The following MAP2 variants were observed in gnomAD, a reference collection of about 807,000 sequenced individuals.
MAP2 encodes microtubule-associated protein 2.
MAP2 carries 14 observed loss-of-function variants against 137.6 expected under a neutral mutation model. The ratio of observed to expected loss-of-function variants is 0.10; its 90% CI spans 0.07 to 0.16. The LOEUF (loss-of-function observed/expected upper bound fraction) is 0.16, where lower values mean the gene tolerates loss of function less well. Ranked by LOEUF, MAP2 falls within the 10% of genes least tolerant of loss-of-function variation. The pLI is 1.00. For missense variants in MAP2, 2,088 were observed against 2,191.5 expected (o/e 0.95, Z 0.94); for synonymous variants, 786 against 782.3 (o/e 1.00, Z -0.08).
chr2:209,450,914 G>A (rs1285628629), intron 1 of MAP2, among the ~76,000 whole-genome samples: 2 of 152,034 alleles, frequency 1.3e-5, no homozygotes, highest in African/African-American at 2.4e-5. Flanking sequence ...GTAATTATTA[G>A]AATTATATAA....
At chr2:209,505,518 T>C (rs989832590) in intron 1 of MAP2, among the ~76,000 whole-genome samples, 2 of 152,188 alleles carry the variant, frequency 1.3e-5, no homozygotes, top group Non-Finnish European at 1.5e-5. Flanking sequence ...TTTGCTTTTA[T>C]ATCACAAACA....
At chr2:209,476,210 G>T (rs1031316590) in intron 1 of MAP2, among the ~76,000 whole-genome samples, 4 of 152,078 alleles carry the variant, frequency 2.6e-5, no homozygotes, top group Non-Finnish European at 1.5e-5. Context: ...GGAAATGAGA[G>T]TTCTGTCCAT....
chr2:209,703,485 T>C (rs985930600), intron 11 of MAP2, among the ~76,000 whole-genome samples: 5 of 152,076 alleles, frequency 3.3e-5, no homozygotes, highest in Non-Finnish European at 7.4e-5. Context: ...ATAAAACTTA[T>C]GAATTAATTA....
At chr2:209,597,619 C>T (rs958415199) in intron 3 of MAP2, among the ~76,000 whole-genome samples, 5 of 152,220 alleles carry the variant, frequency 3.3e-5, no homozygotes, top group African/African-American at 1.2e-4. Context: ...CAATGCTTCC[C>T]ATAGCATTCA....
intron 2 of MAP2, among the ~76,000 whole-genome samples, chr2:209,565,855 C>T (rs965447927): frequency 2.0e-5 from 3 of 152,262 alleles, no homozygotes; most frequent in East Asian, 3.9e-4. Context: ...TTGTTATTTG[C>T]TCATCGGGTC....
In MAP2 at chr2:209,659,196, G is replaced by A. The variant is rs78502138; in HGVS notation, c.262+5764G>A. Among the ~76,000 whole-genome samples, 3 of 152,084 alleles carry A rather than the reference G, an allele frequency of 2.0e-5. 1 individual carries two copies. The East Asian group carries it at 5.8e-4, about 29-fold the overall frequency. ...TTTTTCTATAGTTTATAATTTACTT[G>A]GCTTTATAAATATGCTACTCATTGT... On this transcript the variant is annotated intron_variant, in intron 5 of 15. Coordinates refer to ENST00000682079, the MANE Select transcript of MAP2 (RefSeq NM_001375505.1).
chr2:209,572,211 T>C (rs1015608383), intron 2 of MAP2, among the ~76,000 whole-genome samples: 9 of 152,208 alleles, frequency 5.9e-5, no homozygotes, highest in Middle Eastern at 3.4e-3. Context: ...CTAGTTATCT[T>C]GTCTTACTCT....
chr2:209,693,661 C>G lies in MAP2; in HGVS notation c.1491C>G (p.Asp497Glu). Reference protein sequence around the residue: ...QEPTTDMLKQDSFPVSLEQAV... With the variant: ...QEPTTDMLKQESFPVSLEQAV... The stretch of plus-strand genomic sequence containing the variant: ...CTACCACAGATATGTTGAAACAGGA[C>G]TCGTTCCCTGTAAGTTTGGAGCAAG... The change falls in exon 8 of 16, where the codon GAC (aspartate) becomes GAG (glutamate). Residue 497 changes from aspartate (D) to glutamate (E), a missense_variant. Around this residue, in one of 6 missense-constraint regions of MAP2, gnomAD observed 859 missense variants for 794.5 expected, o/e 1.08. Transcript: ENST00000682079. The G allele has an allele frequency of 1.9e-6, 3 of 1,613,858 alleles. No individual in the cohort carries two copies. Among genetic ancestry groups the G allele is most frequent in the Non-Finnish European group, 2.5e-6 (3 of 1,179,980 alleles).
At chr2:209,656,226 T>G (rs2153618426) in intron 5 of MAP2, among the ~76,000 whole-genome samples, 1 of 152,244 alleles carries the variant, frequency 6.6e-6, no homozygotes, top group East Asian at 1.9e-4. Context: ...GCAATAATAA[T>G]TTAAATTGGC....
At chr2:209,521,054 G>C (rs73984068) in intron 2 of MAP2, among the ~76,000 whole-genome samples, 2 of 151,952 alleles carry the variant, frequency 1.3e-5, no homozygotes, top group Admixed American at 1.3e-4. Flanking sequence ...CCAAAGTATG[G>C]TTTAGAGCTT....
intron 12 of MAP2, among the ~76,000 whole-genome samples, chr2:209,706,547 A>G (rs79460938): frequency 0.016 from 2,491 of 151,732 alleles, 67 homozygotes; most frequent in African/African-American, 0.057. Flanking sequence ...GTTACCCTCT[A>G]GAGAGGGTAA....
chr2:209,635,819 C>T (rs372280808), intron 4 of MAP2, among the ~76,000 whole-genome samples: 21 of 152,144 alleles, frequency 1.4e-4, no homozygotes, highest in Non-Finnish European at 2.4e-4. Flanking sequence ...TGAGAGTAGG[C>T]GGCCATTTAA....
At chr2:209,494,012 A>G (rs1389122156) in intron 1 of MAP2, among the ~76,000 whole-genome samples, 1 of 152,220 alleles carries the variant, frequency 6.6e-6, no homozygotes, top group African/African-American at 2.4e-5. Flanking sequence ...TCTTCACAAT[A>G]GCAAAGACTT....
intron 1 of MAP2, among the ~76,000 whole-genome samples, chr2:209,467,181 G>A (rs1228621727): frequency 6.6e-6 from 1 of 151,790 alleles, no homozygotes; most frequent in Non-Finnish European, 1.5e-5. Context: ...TGTCTTTTTT[G>A]GACTTTATTT....
At position 209,557,638 on chromosome 2, in the gene MAP2, C is replaced by T. The variant is rs144451798; in HGVS notation, c.-171-22398C>T. Among the ~76,000 whole-genome samples the T allele has an allele frequency of 3.7e-3, 562 of 152,256 alleles. 3 individuals carry two copies. Among genetic ancestry groups the T allele is most frequent in the Non-Finnish European group, 6.5e-3 (441 of 68,014 alleles). ...TGAGTCCTTGGCATCCTGAAATGGC[C>T]CTGGATCCCAGGGGCTCTGAAGAGT... On this transcript the variant is annotated intron_variant, in intron 2 of 15. Transcript: ENST00000682079.
chr2:209,476,397 GT>G (rs5838170), intron 1 of MAP2, among the ~76,000 whole-genome samples: 2,245 of 143,690 alleles, frequency 0.016, 33 homozygotes, highest in African/African-American at 0.037. Flanking sequence ...GTTTTTCTTA[GT>G]TTTTTTTTTT....
chr2:209,506,608 AGTTT>A (rs1172459344), intron 1 of MAP2, among the ~76,000 whole-genome samples: 1 of 152,162 alleles, frequency 6.6e-6, no homozygotes, highest in African/African-American at 2.4e-5. Context: ...TTGGCACAAA[AGTTT>A]GTTTTTGTCC....
At chr2:209,526,416 A>C (rs1170560619) in intron 2 of MAP2, among the ~76,000 whole-genome samples, 1 of 151,878 alleles carries the variant, frequency 6.6e-6, no homozygotes, top group Non-Finnish European at 1.5e-5. Context: ...TAATATCCAC[A>C]TGTGAGTACA....
intron 1 of MAP2, among the ~76,000 whole-genome samples, chr2:209,483,462 T>C (rs907356014): frequency 6.6e-6 from 1 of 152,180 alleles, no homozygotes; most frequent in African/African-American, 2.4e-5. Flanking sequence ...TAGACCCAGC[T>C]AGTCAAGAAG....
Sources: allele counts gnomAD v4.1 joint callset (sites outside exome capture counted in the v4.1 genomes callset), GRCh38; gene constraint gnomAD v4.1.1; regional missense constraint gnomAD v4.1.1; transcripts MANE v1.5; gene names NCBI Gene and HGNC (gene_info 2026-07-23, HGNC 2026-07-21).